The following TNNI3K variants were observed in gnomAD, a reference collection of about 807,000 sequenced individuals.
TNNI3K encodes the protein serine/threonine-protein kinase TNNI3K.
A neutral mutation model predicts 114.5 loss-of-function variants in TNNI3K; 140 were observed. The observed-to-expected ratio is 1.22, with a 90% CI of 1.07 to 1.41. The LOEUF (loss-of-function observed/expected upper bound fraction) is 1.41. Among genes scored for constraint, TNNI3K ranks in the 40% most tolerant of loss-of-function variants. The pLI, the probability that TNNI3K is intolerant of heterozygous loss-of-function variation, is 0.00. For missense variants in TNNI3K, 1,125 were observed against 1,007.6 expected, an observed-to-expected ratio of 1.12 and a Z score of -1.58; for synonymous variants, 347 against 347.5, an observed-to-expected ratio of 1.00 and a Z score of 0.02.
chr1:74,540,822 C>G (rs924290107), intron 24 of TNNI3K, among the ~76,000 whole-genome samples: 1 of 152,116 alleles, frequency 6.6e-6, no homozygotes, highest in African/African-American at 2.4e-5. Flanking sequence ...TTCCTTCAAA[C>G]AGCTGGAGAG....
At chr1:74,268,507 G>C (rs543097604) in intron 4 of TNNI3K, among the ~76,000 whole-genome samples, 1 of 151,872 alleles carries the variant, frequency 6.6e-6, no homozygotes, top group South Asian at 2.1e-4. Flanking sequence ...TGCCTAACTC[G>C]TGAAGCAGAG....
At chr1:74,351,402 T>C (rs1661331220) in intron 9 of TNNI3K, among the ~76,000 whole-genome samples, 1 of 151,962 alleles carries the variant, frequency 6.6e-6, no homozygotes, top group Admixed American at 6.6e-5. Context: ...CCTTAACATT[T>C]TTTCCTTTAT....
intron 7 of TNNI3K, among the ~76,000 whole-genome samples, chr1:74,337,477 G>T (rs1326023531): frequency 1.3e-5 from 2 of 152,074 alleles, no homozygotes; most frequent in African/African-American, 4.8e-5. Context: ...GGTTTTTATG[G>T]TTATTAGGAG....
intron 17 of TNNI3K, among the ~76,000 whole-genome samples, chr1:74,391,858 A>G (rs976977686): frequency 1.3e-5 from 2 of 152,054 alleles, no homozygotes; most frequent in African/African-American, 4.8e-5. Context: ...GCATTTTTCA[A>G]TTAGTCAGAA....
intron 17 of TNNI3K, among the ~76,000 whole-genome samples, chr1:74,429,106 T>C (rs1004850495): frequency 6.6e-6 from 1 of 152,042 alleles, no homozygotes; most frequent in African/African-American, 2.4e-5. Flanking sequence ...TATACATGAA[T>C]AAGGAGCTAA....
At chr1:74,394,968 C>T (rs920601688) in intron 17 of TNNI3K, among the ~76,000 whole-genome samples, 2 of 151,150 alleles carry the variant, frequency 1.3e-5, no homozygotes, top group African/African-American at 4.9e-5. Context: ...AGCGTGAACC[C>T]GGGAGGTGGA....
At chr1:74,410,788 C>T (rs1357404437) in intron 17 of TNNI3K, among the ~76,000 whole-genome samples, 1 of 152,160 alleles carries the variant, frequency 6.6e-6, no homozygotes, top group African/African-American at 2.4e-5. Context: ...GAAAGCCTAA[C>T]TATGCTCTTA....
chr1:74,429,209 TC>T (rs1209516326), intron 17 of TNNI3K, among the ~76,000 whole-genome samples: 2 of 152,108 alleles, frequency 1.3e-5, no homozygotes, highest in Non-Finnish European at 2.9e-5. Context: ...GACTTTATGA[TC>T]AACAATTGTT....
chr1:74,313,001 C>G (rs560845258), intron 5 of TNNI3K, among the ~76,000 whole-genome samples: 1 of 152,298 alleles, frequency 6.6e-6, no homozygotes, highest in East Asian at 1.9e-4. Context: ...CCTAGGCAGA[C>G]AGTATTCAAA....
intron 23 of TNNI3K, 134 bp downstream of exon 23, chr1:74,492,400 A>G: frequency 8.4e-7 from 1 of 1,197,428 alleles, no homozygotes; most frequent in Non-Finnish European, 1.1e-6. Context: ...TTTTCAGCCC[A>G]TTTTTCTTAC....
At chr1:74,521,183 T>C (rs925535526) in intron 23 of TNNI3K, among the ~76,000 whole-genome samples, 1 of 152,262 alleles carries the variant, frequency 6.6e-6, no homozygotes, top group South Asian at 2.1e-4. Context: ...GTATTGTAGT[T>C]ATAAGGAGCA....
intron 2 of TNNI3K, among the ~76,000 whole-genome samples, chr1:74,241,457 T>G (rs1056904097): frequency 4.6e-5 from 7 of 152,222 alleles, no homozygotes; most frequent in Non-Finnish European, 8.8e-5. Flanking sequence ...TCCTGACTTT[T>G]TAATGACTGC....
chr1:74,347,922 A>G (rs1198217079), intron 9 of TNNI3K, among the ~76,000 whole-genome samples: 2 of 152,266 alleles, frequency 1.3e-5, no homozygotes, highest in East Asian at 1.9e-4. Context: ...AGTAGGTTGC[A>G]AAAATTTTCT....
At chr1:74,367,989 T>G in intron 13 of TNNI3K, 25 bp downstream of exon 13, 1 of 1,529,864 alleles carries the variant, frequency 6.5e-7, no homozygotes, top group Non-Finnish European at 8.7e-7. Flanking sequence ...GGACAATTGT[T>G]ATATTTAATT....
intron 4 of TNNI3K, among the ~76,000 whole-genome samples, chr1:74,261,679 C>G (rs1281985839): frequency 6.6e-6 from 1 of 152,064 alleles, no homozygotes; most frequent in Non-Finnish European, 1.5e-5. Flanking sequence ...CTAATTTAGC[C>G]TTACATGTAA....
intron 5 of TNNI3K, among the ~76,000 whole-genome samples, chr1:74,293,094 A>G (rs1414023658): frequency 2.0e-5 from 3 of 151,662 alleles, no homozygotes; most frequent in Non-Finnish European, 3.0e-5. Flanking sequence ...CTTTAAAGGC[A>G]TTTTGTAAAT....
At chr1:74,256,552 C>T (rs942887660) in intron 4 of TNNI3K, among the ~76,000 whole-genome samples, 1 of 151,822 alleles carries the variant, frequency 6.6e-6, no homozygotes, top group Non-Finnish European at 1.5e-5. Context: ...GCAAAAATTT[C>T]TCTCAGTGTC....
At chr1:74,303,911 G>A (rs536656) in intron 5 of TNNI3K, among the ~76,000 whole-genome samples, 150,953 of 152,320 alleles carry the variant, frequency 0.99, 74,818 homozygotes, top group Middle Eastern at 1. Flanking sequence ...CTTCAGTGGA[G>A]GAAGTAACTA....
chr1:74,421,929 A>G (rs1665414721), intron 17 of TNNI3K, among the ~76,000 whole-genome samples: 1 of 150,596 alleles, frequency 6.6e-6, no homozygotes, highest in South Asian at 2.1e-4. Context: ...CTTAGGGAGG[A>G]AAGAAGAGCC....
Sources: gnomAD v4.1 joint callset for allele counts (sites outside exome capture counted in the v4.1 genomes callset) on GRCh38, gnomAD v4.1.1 for gene constraint, MANE v1.5 for transcripts, NCBI Gene and HGNC (gene_info 2026-07-23, HGNC 2026-07-21) for gene names.